The following CHD2 variants were observed in gnomAD, a reference collection of about 807,000 sequenced individuals.
CHD2 encodes the protein ATP-dependent chromatin remodeler CHD2.
CHD2 carries 28 observed loss-of-function variants against 243.9 expected under a neutral mutation model. The ratio of observed to expected loss-of-function variants is 0.11; its 90% CI spans 0.09 to 0.16. CHD2 has a LOEUF of 0.16. Among genes scored for constraint, CHD2 ranks in the 10% least tolerant of loss-of-function variants. The pLI, the probability that CHD2 is intolerant of heterozygous loss-of-function variation, is 1.00. For missense variants in CHD2, 1,386 were observed against 2,209.8 expected (o/e 0.63, Z 7.47); for synonymous variants, 775 against 779.0 (o/e 0.99, Z 0.09).
At chr15:93,019,676 G>C (rs897339672) in intron 37 of CHD2, among the ~76,000 whole-genome samples, 1 of 152,164 alleles carries the variant, frequency 6.6e-6, no homozygotes. Flanking sequence ...GCTCACAGCT[G>C]TAATCCCAGC....
chr15:93,016,285 C>T (rs7175070), intron 37 of CHD2, among the ~76,000 whole-genome samples: 130,736 of 152,140 alleles, frequency 0.86, 58,713 homozygotes, highest in East Asian at 0.99. Flanking sequence ...TTCTCACTTA[C>T]GTATGGAATC....
Position 92,902,364 on chromosome 15 carries a change from T to A in CHD2, c.62+1065T>A, listed in dbSNP as rs1014312083. The A allele has an allele frequency of 2.1e-5, 8 of 390,036 alleles. No homozygotes were observed. In the Admixed American group the frequency reaches 3.5e-4, roughly 17 times the overall value. 24.2% of individuals were successfully genotyped at this position (390,036 alleles called of 1,614,324 possible). On this transcript the variant is annotated intron_variant, in intron 2 of 38. Transcript: ENST00000394196. ...AATGCATTTTTTGATGTGTTCTTTA[T>A]GCATTTTCATATTATAAATTTTAAA...
At chr15:92,932,347 G>C (rs2141762206) in intron 5 of CHD2, among the ~76,000 whole-genome samples, 1 of 149,962 alleles carries the variant, frequency 6.7e-6, no homozygotes, top group Non-Finnish European at 1.5e-5. Flanking sequence ...CAATGTGCAG[G>C]TTTGTTACAT....
At chr15:92,917,136 C>A (rs1045323393) in intron 2 of CHD2, among the ~76,000 whole-genome samples, 20 of 152,196 alleles carry the variant, frequency 1.3e-4, no homozygotes, top group African/African-American at 4.8e-4. Context: ...AATTTTGTTT[C>A]CCAGTCCGTC....
At chr15:92,915,093 C>A (rs899430183) in intron 2 of CHD2, 3 of 152,090 alleles carry the variant, frequency 2.0e-5, no homozygotes, top group Non-Finnish European at 4.4e-5. Context: ...TAGTGGCCTT[C>A]CATAGATTCT....
At chr15:92,946,259 A>G (rs2141795804) in intron 12 of CHD2, 43 bp downstream of exon 12, 1 of 1,506,256 alleles carries the variant, frequency 6.6e-7, no homozygotes, top group Non-Finnish European at 9.1e-7. Flanking sequence ...GAGAAGATAT[A>G]CTGATAAAGA....
chr15:92,901,336 T>A, intron 2 of CHD2, 37 bp downstream of exon 2: 1 of 1,329,044 alleles, frequency 7.5e-7, no homozygotes, highest in Non-Finnish European at 1.1e-6. Context: ...TTGTCTTTTT[T>A]TTTGGGGGAG....
intron 12 of CHD2, chr15:92,946,482 A>G (rs2053470206): frequency 4.0e-6 from 1 of 247,880 alleles, no homozygotes; most frequent in Non-Finnish European, 7.6e-6. Context: ...CTTTTATTTT[A>G]TTTTATTTTA....
intron 2 of CHD2, among the ~76,000 whole-genome samples, chr15:92,911,073 C>G (rs1212879474): frequency 1.3e-5 from 2 of 152,148 alleles, no homozygotes; most frequent in Non-Finnish European, 2.9e-5. Context: ...GTATATGACA[C>G]CAGTCATTGA....
intron 16 of CHD2, among the ~76,000 whole-genome samples, chr15:92,961,498 C>T (rs2053686912): frequency 6.6e-6 from 1 of 152,204 alleles, no homozygotes; most frequent in Non-Finnish European, 1.5e-5. Flanking sequence ...CTCCTGGGCT[C>T]AAGGGATCCT....
chr15:92,912,904 A>G (rs2052767302), intron 2 of CHD2, among the ~76,000 whole-genome samples: 2 of 152,218 alleles, frequency 1.3e-5, no homozygotes, highest in South Asian at 4.1e-4. Flanking sequence ...TTGGCATTCA[A>G]ATAGAGGCAA....
chr15:92,904,631 G>A, intron 2 of CHD2: 3 of 1,234,882 alleles, frequency 2.4e-6, no homozygotes, highest in Non-Finnish European at 3.1e-6. Flanking sequence ...TTCCGGGAAT[G>A]GTTTATCCTC....
intron 28 of CHD2, among the ~76,000 whole-genome samples, chr15:92,995,514 A>C (rs2054176227): frequency 6.6e-6 from 1 of 152,134 alleles, no homozygotes; most frequent in African/African-American, 2.4e-5. Flanking sequence ...CTTCTTACAC[A>C]GAAGAGAACA....
chr15:92,989,157 G>T (rs1356173189), intron 26 of CHD2, among the ~76,000 whole-genome samples: 2 of 150,482 alleles, frequency 1.3e-5, no homozygotes, highest in African/African-American at 4.9e-5. Flanking sequence ...TCAGCCTCCC[G>T]AGTAGCTGGG....
chr15:93,009,034 C>T (rs1418832239), intron 34 of CHD2, 111 bp from the exon 35 acceptor site: 4 of 1,210,326 alleles, frequency 3.3e-6, no homozygotes, highest in African/African-American at 1.5e-5. Flanking sequence ...CTTCCTCTAG[C>T]AATTATATGG....
intron 35 of CHD2, among the ~76,000 whole-genome samples, chr15:93,010,387 A>G (rs982639970): frequency 6.7e-6 from 1 of 149,918 alleles, no homozygotes; most frequent in Non-Finnish European, 1.5e-5. Context: ...CACTTTGGAT[A>G]TTTTAAGAAA....
In CHD2 at chr15:92,940,783, AAAAATATAT is replaced by A. The variant is rs1465923024; in HGVS notation, c.693-1035_693-1027del. ...TATAAAAATATATATAAAAAATATA[AAAAATATAT>A]AAATATATAAATAAATATAAATATA... On this transcript the variant is annotated intron_variant, in intron 7 of 38. Coordinates refer to ENST00000394196, the MANE Select transcript of CHD2 (RefSeq NM_001271.4). Among the ~76,000 whole-genome samples, 8 of 141,936 alleles carry A rather than the reference AAAAATATAT, an allele frequency of 5.6e-5. No homozygotes were observed. The East Asian group carries it at 6.1e-4, about 11-fold the overall frequency. The allele number at this position is 141,936 out of a possible 152,430, so 93.1% of individuals were successfully genotyped here.
At chr15:92,993,733 A>G (rs1305981471) in intron 28 of CHD2, among the ~76,000 whole-genome samples, 1 of 152,202 alleles carries the variant, frequency 6.6e-6, no homozygotes, top group African/African-American at 2.4e-5. Flanking sequence ...ACTTGAGCCC[A>G]GGAGTTCAAG....
chr15:92,952,212 T>A (rs1180040810), intron 13 of CHD2, among the ~76,000 whole-genome samples: 1 of 152,168 alleles, frequency 6.6e-6, no homozygotes, highest in Non-Finnish European at 1.5e-5. Context: ...CCTGTTGAAA[T>A]CTAGCCCATT....
Sources: gnomAD v4.1 joint callset for allele counts (sites outside exome capture counted in the v4.1 genomes callset) on GRCh38, gnomAD v4.1.1 for gene constraint, MANE v1.5 for transcripts, NCBI Gene and HGNC (gene_info 2026-07-23, HGNC 2026-07-21) for gene names.